The following MRE11 variants were observed in gnomAD, a reference collection of about 807,000 sequenced individuals.
MRE11 encodes the protein double-strand break repair protein MRE11.
A neutral mutation model predicts 91.7 loss-of-function variants in MRE11; 62 were observed. That is an observed-to-expected ratio of 0.68 (90% CI 0.55 to 0.84). The LOEUF is 0.84. Among genes scored for constraint, MRE11 ranks in the 40% least tolerant of loss-of-function variants. The pLI is 0.00. For missense variants in MRE11, 796 were observed against 852.9 expected, an observed-to-expected ratio of 0.93 and a Z score of 0.83; for synonymous variants, 273 against 271.4, an observed-to-expected ratio of 1.01 and a Z score of -0.06.
intron 10 of MRE11, among the ~76,000 whole-genome samples, chr11:94,465,148 T>C (rs933488269): frequency 2.0e-5 from 3 of 152,208 alleles, no homozygotes; most frequent in Non-Finnish European, 2.9e-5. Flanking sequence ...TTAATGAATG[T>C]CTTTTAGTCA....
In MRE11 at chr11:94,416,106, C is replaced by G. The variant is rs941568852; in HGVS notation, c.*4019G>C. 6.6e-6 allele frequency: 1 copy of G among 152,224 alleles called. No homozygotes were observed. Among genetic ancestry groups the G allele is most frequent in the Non-Finnish European group, 1.5e-5 (1 of 68,062 alleles). 9.4% of individuals were successfully genotyped at this position (152,224 alleles called of 1,614,324 possible). On this transcript the variant is annotated 3_prime_UTR_variant, in exon 20 of 20. Transcript: ENST00000323929. ...GATCACAGGCGTGAGCCACCGTGCC[C>G]GGTGCTGGGATTCTAATTCAACAAT...
chr11:94,495,380 G>T (rs1200211011), upstream of MRE11, among the ~76,000 whole-genome samples: 1 of 152,114 alleles, frequency 6.6e-6, no homozygotes, highest in East Asian at 1.9e-4. Context: ...GTTAAATGTG[G>T]TCCTTATCTT....
In MRE11 at chr11:94,478,748, C is replaced by T. The variant is rs376621889; in HGVS notation, c.531G>A (p.Ala177=). The T allele has an allele frequency of 1.5e-5, 24 of 1,612,454 alleles. No individual in the cohort carries two copies. Among genetic ancestry groups the T allele is most frequent in the Non-Finnish European group, 1.7e-5 (20 of 1,179,800 alleles). ...AAACTGTCTTACCTAAACCATATAGCGCAATCTTTGTGCTTCCTTTTTGAA... is the reference window on the plus strand; with the variant it reads ...AAACTGTCTTACCTAAACCATATAGTGCAATCTTTGTGCTTCCTTTTTGAA... ...VLLQKGSTKI[A]LYGLGSIPDE... The change falls in exon 6 of 20, where the codon GCG becomes GCA. Residue 177 remains alanine (A), a synonymous_variant. Transcript: ENST00000323929.
chr11:94,459,428 C>T lies in MRE11; in HGVS notation c.1480G>A (p.Glu494Lys), dbSNP rs104895016. 789 of 1,613,872 alleles carry T rather than the reference C, an allele frequency of 4.9e-4. 1 individual carries two copies. Among genetic ancestry groups the T allele is most frequent in the South Asian group, 7.9e-4 (72 of 91,078 alleles). Residue 494 changes from glutamate (E) to lysine (K), a missense_variant, in exon 13 of 20, where the codon GAA (glutamate) becomes AAA (lysine). Glu to Lys is a moderately conservative substitution (Grantham distance 56). Coordinates refer to ENST00000323929, the MANE Select transcript of MRE11 (RefSeq NM_005591.4). ...CTTACCTCCTCATCGATTTTGTCTT[C>T]GAGGGCATCAATATGACGTTCTTTA... ...FLKERHIDAL[E>K]DKIDEEVRRF...
In MRE11 at chr11:94,459,185, C is replaced by G. The variant is rs970957340; in HGVS notation, c.1500+223G>C. ...AAGGATCTTTAAGAGAAGATACTAT[C>G]CATGGGGAACAAAACACTTTAGTAC... On this transcript the variant is annotated intron_variant, in intron 13 of 19. Coordinates refer to ENST00000323929, the MANE Select transcript of MRE11 (RefSeq NM_005591.4). 3.3e-5 allele frequency among the ~76,000 whole-genome samples: 5 copies of G among 152,316 alleles called. No homozygotes were observed. The South Asian group carries it at 1.0e-3, about 32-fold the overall frequency.
In MRE11 at chr11:94,417,406, A is replaced by T. The variant is rs1487505932; in HGVS notation, c.*2719T>A. 4.3e-6 allele frequency: 1 copy of T among 232,198 alleles called. No individual in the cohort carries two copies. The highest frequency in any genetic ancestry group is 8.5e-6 in the Non-Finnish European group (1 of 117,484). The allele number at this position is 232,198 out of a possible 1,614,324, so 14.4% of individuals were successfully genotyped here. On this transcript the variant is annotated 3_prime_UTR_variant, in exon 20 of 20. Coordinates refer to ENST00000323929, the MANE Select transcript of MRE11 (RefSeq NM_005591.4). ...AGCTGGTAAATTCCATAACAGGCTG[A>T]ACCAAATGAAATACCTAAGTAAAGC... is the stretch of plus-strand genomic sequence containing the variant.
chr11:94,423,864 G>A, intron 19 of MRE11, among the ~76,000 whole-genome samples: 1 of 152,194 alleles, frequency 6.6e-6, no homozygotes, highest in East Asian at 1.9e-4. Context: ...TCAAGTAGGG[G>A]AGAAATCCCA....
chr11:94,492,807 T>A lies in MRE11; in HGVS notation c.-6A>T, dbSNP rs770765167. 1.9e-6 allele frequency: 3 copies of A among 1,613,612 alleles called. No homozygotes were observed. The highest frequency in any genetic ancestry group is 1.7e-6 in the Non-Finnish European group (2 of 1,179,902). On this transcript the variant is annotated 5_prime_UTR_variant, in exon 2 of 20. Transcript: ENST00000323929. Reference sequence around the variant, plus strand: ...AGTGCATCTGCAGTACTCATTTTTATGGTCAGTCAAGCTCCTCTGGGACCA... The same window carrying A: ...AGTGCATCTGCAGTACTCATTTTTAAGGTCAGTCAAGCTCCTCTGGGACCA...
the MRE11 span, chr11:94,512,345 A>T: frequency 2.2e-6 from 1 of 458,136 alleles, no homozygotes; most frequent in Non-Finnish European, 3.6e-6. Context: ...TGATAATAAT[A>T]ACCCCAGCCC....
chr11:94,437,196 G>C lies in MRE11; in HGVS notation c.1907C>G (p.Thr636Ser). Residue 636 changes from threonine (T) to serine (S), a missense_variant, in exon 17 of 20, where the codon ACT (threonine) becomes AGT (serine). Coordinates refer to ENST00000323929, the MANE Select transcript of MRE11 (RefSeq NM_005591.4). ...STRQQPSRNV[T>S]TKNYSEVIEV... ...TCTTACCTCTGAATAATTCTTAGTA[G>C]TGACATTTCGGGAAGGCTGCTGTCT... 2 of 1,612,788 alleles carry C rather than the reference G, an allele frequency of 1.2e-6. No individual in the cohort carries two copies. Among genetic ancestry groups the C allele is most frequent in the Non-Finnish European group, 1.7e-6 (2 of 1,179,324 alleles).
Position 94,417,938 on chromosome 11 carries a change from G to C in MRE11, c.*2187C>G, listed in dbSNP as rs13447757. The C allele has an allele frequency of 4.7e-5, 11 of 232,990 alleles. No individual in the cohort carries two copies. The South Asian group carries it at 2.0e-3, about 42-fold the overall frequency. 14.4% of individuals were successfully genotyped at this position (232,990 alleles called of 1,614,324 possible). ...TTTTATGATAGGAAATAAAACACCA[G>C]AAAGACACTTATTCTTTGGTAAGTA... is the stretch of plus-strand genomic sequence containing the variant. On this transcript the variant is annotated 3_prime_UTR_variant, in exon 20 of 20. Coordinates refer to ENST00000323929, the MANE Select transcript of MRE11 (RefSeq NM_005591.4).
At chr11:94,439,768 G>C (rs1190456908) in intron 16 of MRE11, among the ~76,000 whole-genome samples, 1 of 152,204 alleles carries the variant, frequency 6.6e-6, no homozygotes, top group African/African-American at 2.4e-5. Context: ...CTACAGATGA[G>C]AACACTCATT....
At chr11:94,496,982 A>T (rs1474907545), upstream of MRE11, 1 of 1,610,260 alleles carries the variant, frequency 6.2e-7, no homozygotes, top group Non-Finnish European at 8.5e-7. Context: ...GGGAAGTGTG[A>T]CAGTAGGAAA....
At chr11:94,504,734 G>T in the MRE11 span, among the ~76,000 whole-genome samples, 1 of 152,166 alleles carries the variant, frequency 6.6e-6, no homozygotes, top group African/African-American at 2.4e-5. Flanking sequence ...ACCTGTTTTA[G>T]ATCTATAGAA....
In MRE11 at chr11:94,437,226, G is replaced by A. The variant is rs1352158854; in HGVS notation, c.1877C>T (p.Ser626Phe). 6.2e-7 allele frequency: 1 copy of A among 1,612,710 alleles called. No individual in the cohort carries two copies. The highest frequency in any genetic ancestry group is 2.2e-5 in the East Asian group (1 of 44,724). Reference protein sequence around the residue: ...RNMSIIDAFKSTRQQPSRNVT... With the variant: ...RNMSIIDAFKFTRQQPSRNVT... ...ATTTCGGGAAGGCTGCTGTCTTGTAGATTTAAAGGCTAGAATGAAAAAGAT... is the reference window on the plus strand; with the variant it reads ...ATTTCGGGAAGGCTGCTGTCTTGTAAATTTAAAGGCTAGAATGAAAAAGAT... The change falls in exon 17 of 20, where the codon TCT becomes TTT. Residue 626 changes from serine (S) to phenylalanine (F), a missense_variant. Transcript: ENST00000323929.
upstream of MRE11, among the ~76,000 whole-genome samples, chr11:94,496,415 CATT>C (rs1431903328): frequency 2.6e-5 from 4 of 152,028 alleles, no homozygotes; most frequent in African/African-American, 4.8e-5. Flanking sequence ...AAGTAAGAAG[CATT>C]AGACCACTAT....
Position 94,442,958 on chromosome 11 carries a change from T to C in MRE11, c.1867+2852A>G, listed in dbSNP as rs1366026532. ...TCCCTAAATGGCAATAAAGACAACATGTTTGTGAAGCAAAAAGCTAAGGAT... is the reference window on the plus strand; with the variant it reads ...TCCCTAAATGGCAATAAAGACAACACGTTTGTGAAGCAAAAAGCTAAGGAT... On this transcript the variant is annotated intron_variant, in intron 16 of 19. Coordinates refer to ENST00000323929, the MANE Select transcript of MRE11 (RefSeq NM_005591.4). Among the ~76,000 whole-genome samples, 3 of 152,316 alleles carry C rather than the reference T, an allele frequency of 2.0e-5. No individual in the cohort carries two copies. The East Asian group carries it at 5.8e-4, about 29-fold the overall frequency.
the MRE11 span, among the ~76,000 whole-genome samples, chr11:94,509,448 T>A: frequency 2.8e-4 from 43 of 152,096 alleles, no homozygotes; most frequent in Middle Eastern, 6.9e-3. Flanking sequence ...TTGAATTTTC[T>A]TTTTTTTCTT....
At chr11:94,473,269 TAA>T (rs1946764660) in intron 7 of MRE11, 1 of 152,116 alleles carries the variant, frequency 6.6e-6, no homozygotes, top group African/African-American at 2.4e-5. Context: ...TCACAACTAC[TAA>T]AGAAAAGCAG....
Sources: allele counts gnomAD v4.1 joint callset (sites outside exome capture counted in the v4.1 genomes callset), GRCh38; gene constraint gnomAD v4.1.1; transcripts MANE v1.5; gene names NCBI Gene and HGNC (gene_info 2026-07-23, HGNC 2026-07-21).